The following AUTS2 variants were observed in gnomAD, a reference collection of about 807,000 sequenced individuals.
AUTS2 encodes the protein autism susceptibility gene 2 protein.
A neutral mutation model predicts 112.4 loss-of-function variants in AUTS2; 17 were observed. That is an observed-to-expected ratio of 0.15 (90% CI 0.10 to 0.23). The LOEUF is 0.23. Ranked by LOEUF, AUTS2 falls within the 10% of genes least tolerant of loss-of-function variation. The pLI is 1.00. For missense variants in AUTS2, 1,510 were observed against 1,701.6 expected (o/e 0.89, Z 1.98); for synonymous variants, 751 against 702.7 (o/e 1.07, Z -1.09).
chr7:70,492,700 A>G (rs749189548), intron 5 of AUTS2, among the ~76,000 whole-genome samples: 1 of 152,176 alleles, frequency 6.6e-6, no homozygotes, highest in Non-Finnish European at 1.5e-5. Context: ...GATCATGTAT[A>G]GAGAGTCACT....
intron 2 of AUTS2, among the ~76,000 whole-genome samples, chr7:70,036,220 C>G (rs76707812): frequency 6.6e-6 from 1 of 152,168 alleles, no homozygotes; most frequent in African/African-American, 2.4e-5. Flanking sequence ...TGGCTTGAAG[C>G]GTGCTAAGAG....
intron 1 of AUTS2, among the ~76,000 whole-genome samples, chr7:69,857,205 C>T (rs1792769570): frequency 6.6e-6 from 1 of 152,128 alleles, no homozygotes; most frequent in South Asian, 2.1e-4. Context: ...GCTAAGCAGC[C>T]CCTTTGAAAT....
intron 1 of AUTS2, among the ~76,000 whole-genome samples, chr7:69,732,748 G>T (rs1786853968): frequency 6.6e-6 from 1 of 152,082 alleles, no homozygotes; most frequent in Non-Finnish European, 1.5e-5. Flanking sequence ...TTTAGAAAAT[G>T]GTACCTTTGT....
intron 2 of AUTS2, among the ~76,000 whole-genome samples, chr7:69,990,283 C>T (rs909702762): frequency 2.0e-5 from 3 of 152,056 alleles, no homozygotes; most frequent in East Asian, 1.9e-4. Flanking sequence ...AAGTATTTTG[C>T]GGTCAATTTG....
intron 2 of AUTS2, among the ~76,000 whole-genome samples, chr7:70,026,298 C>T (rs1800521672): frequency 1.3e-5 from 2 of 152,198 alleles, no homozygotes; most frequent in Admixed American, 6.5e-5. Context: ...TTCTACCTTC[C>T]CTTGCCTAGC....
At chr7:70,191,143 A>G (rs1809857810) in intron 4 of AUTS2, among the ~76,000 whole-genome samples, 1 of 150,972 alleles carries the variant, frequency 6.6e-6, no homozygotes, top group Non-Finnish European at 1.5e-5. Flanking sequence ...GATGCTTTCA[A>G]ATGTCATCCA....
intron 4 of AUTS2, among the ~76,000 whole-genome samples, chr7:70,248,628 C>T (rs1439425140): frequency 2.0e-5 from 3 of 152,100 alleles, no homozygotes; most frequent in African/African-American, 7.2e-5. Context: ...TTTGCCCTTT[C>T]TACATTTTTT....
chr7:70,722,792 G>T (rs980021742), intron 6 of AUTS2, among the ~76,000 whole-genome samples: 4 of 152,128 alleles, frequency 2.6e-5, no homozygotes, highest in African/African-American at 9.7e-5. Flanking sequence ...ATTCCGTAAA[G>T]ATCTGTATTG....
chr7:69,619,918 A>G (rs1316164385), intron 1 of AUTS2, among the ~76,000 whole-genome samples: 1 of 152,128 alleles, frequency 6.6e-6, no homozygotes, highest in Non-Finnish European at 1.5e-5. Context: ...TCCTTTAGAA[A>G]GCTCTAGGGG....
intron 5 of AUTS2, among the ~76,000 whole-genome samples, chr7:70,470,370 A>T (rs756809094): frequency 2.4e-4 from 36 of 152,332 alleles, no homozygotes; most frequent in Middle Eastern, 6.8e-3. Flanking sequence ...GATGTGGTAG[A>T]TGGAAATAAG....
At chr7:70,508,187 A>G (rs898715305) in intron 5 of AUTS2, among the ~76,000 whole-genome samples, 9 of 152,044 alleles carry the variant, frequency 5.9e-5, no homozygotes, top group Non-Finnish European at 1.3e-4. Flanking sequence ...AATCCTCAAT[A>G]CAAATTACAG....
At chr7:70,752,440 G>T (rs529591716) in intron 6 of AUTS2, among the ~76,000 whole-genome samples, 19 of 152,320 alleles carry the variant, frequency 1.2e-4, no homozygotes, top group African/African-American at 4.3e-4. Flanking sequence ...CTTGGGGTCG[G>T]TGCAGTGGGA....
chr7:69,629,381 T>C (rs539215268), intron 1 of AUTS2, among the ~76,000 whole-genome samples: 1 of 152,308 alleles, frequency 6.6e-6, no homozygotes, highest in South Asian at 2.1e-4. Context: ...CTGACAGACC[T>C]TGCTAGCTCT....
At chr7:69,976,451 A>G (rs904071880) in intron 2 of AUTS2, among the ~76,000 whole-genome samples, 7 of 152,176 alleles carry the variant, frequency 4.6e-5, no homozygotes, top group African/African-American at 1.7e-4. Context: ...TAGTGATGCT[A>G]TAAGACCCTG....
In AUTS2 at chr7:69,599,540, C is replaced by A; in HGVS notation, c.-114C>A. 1 of 1,050,902 alleles carries A rather than the reference C, an allele frequency of 9.5e-7. No individual in the cohort carries two copies. Among genetic ancestry groups the A allele is most frequent in the Non-Finnish European group, 1.2e-6 (1 of 828,674 alleles). 65.1% of individuals were successfully genotyped at this position (1,050,902 alleles called of 1,614,324 possible). Reference sequence around the variant, plus strand: ...GCCGCCGTCTCCCCCGCGCCCTCCTCGGGGCGGAGGGAAGCCGTGAAGGGG... The same window carrying A: ...GCCGCCGTCTCCCCCGCGCCCTCCTAGGGGCGGAGGGAAGCCGTGAAGGGG... On this transcript the variant is annotated 5_prime_UTR_variant, in exon 1 of 19. Transcript: ENST00000342771. This position sits in a 1 kb window ranked among gnomAD's most constrained non-coding sequence, Gnocchi z 7.0.
intron 14 of AUTS2, among the ~76,000 whole-genome samples, chr7:70,778,334 T>G (rs1790841241): frequency 6.6e-6 from 1 of 152,196 alleles, no homozygotes. Context: ...CATTTCTTCA[T>G]GAACAAGCTT....
At chr7:70,183,214 T>G (rs939018525) in intron 4 of AUTS2, among the ~76,000 whole-genome samples, 2 of 152,142 alleles carry the variant, frequency 1.3e-5, no homozygotes, top group African/African-American at 4.8e-5. Flanking sequence ...AAAAAAATCC[T>G]CAAGTCAACT....
At chr7:69,999,619 C>T (rs1235433406) in intron 2 of AUTS2, among the ~76,000 whole-genome samples, 2 of 152,114 alleles carry the variant, frequency 1.3e-5, no homozygotes, top group African/African-American at 4.8e-5. Flanking sequence ...TGGAGCAAGA[C>T]ATGTTTCTTG....
At chr7:69,990,494 A>G (rs1370338431) in intron 2 of AUTS2, among the ~76,000 whole-genome samples, 3 of 152,208 alleles carry the variant, frequency 2.0e-5, no homozygotes, top group Non-Finnish European at 4.4e-5. Context: ...TCTTCAAACC[A>G]AAATGACTAC....
Sources: gnomAD v4.1 joint callset for allele counts (sites outside exome capture counted in the v4.1 genomes callset) on GRCh38, gnomAD v4.1.1 for gene constraint, Gnocchi (gnomAD v3.1) non-coding constraint, MANE v1.5 for transcripts, NCBI Gene and HGNC (gene_info 2026-07-23, HGNC 2026-07-21) for gene names.